The following DOCK1 variants were observed in gnomAD, a reference collection of about 807,000 sequenced individuals.
DOCK1 encodes dedicator of cytokinesis 1, also known as dedicator of cytokinesis protein 1.
Under a neutral mutation model 262.7 loss-of-function variants are expected in DOCK1, and 138 were observed. That is an observed-to-expected ratio of 0.53 (90% CI 0.46 to 0.61). The LOEUF (loss-of-function observed/expected upper bound fraction) is 0.61, where lower values mean the gene tolerates loss of function less well. Among genes scored for constraint, DOCK1 ranks in the 20% least tolerant of loss-of-function variants. The pLI is 0.00. For missense variants in DOCK1, 1,908 were observed against 2,370.7 expected, an observed-to-expected ratio of 0.80 and a Z score of 4.05; for synonymous variants, 866 against 867.4, an observed-to-expected ratio of 1.00 and a Z score of 0.03.
rs1316561955 is a variant in DOCK1 at position 126,987,563 on chromosome 10, G to A, written c.270G>A (p.Gln90=). The A allele has an allele frequency of 5.7e-6, 9 of 1,580,120 alleles. No individual in the cohort carries two copies. The highest frequency in any genetic ancestry group is 7.7e-6 in the Non-Finnish European group (9 of 1,162,844). Residue 90 remains glutamine (Q), a synonymous_variant, in exon 5 of 52, where the codon CAG becomes CAA. Transcript: ENST00000623213. ...TVIPGDLPLI[Q]EVTTTLREWS... is the part of the protein sequence containing the mutation. ...TCCCGGGTGACCTCCCCCTCATCCA[G>A]GAAGTCACCACGACACTCCGAGAGT...
At chr10:127,209,424 G>A (rs1425291868) in intron 27 of DOCK1, among the ~76,000 whole-genome samples, 1 of 152,182 alleles carries the variant, frequency 6.6e-6, no homozygotes, top group Admixed American at 6.5e-5. Context: ...TAGCCGCCTG[G>A]AGAGCAGAGC....
In DOCK1 at chr10:127,206,344, A is replaced by G. The variant is rs865979193; in HGVS notation, c.2848-41664A>G. On this transcript the variant is annotated intron_variant, in intron 27 of 51. Coordinates refer to ENST00000623213, the MANE Select transcript of DOCK1 (RefSeq NM_001290223.2). The stretch of plus-strand genomic sequence containing the variant: ...TTTTTAGTAGAGACAGGGTTTTGCC[A>G]TGTTGGCCAGGCTGGTCTCAAACTC... Among the ~76,000 whole-genome samples, 74 of 152,174 alleles carry G rather than the reference A, an allele frequency of 4.9e-4. No individual in the cohort carries two copies. In the Middle Eastern group the frequency reaches 0.014, roughly 28 times the overall value.
Position 127,347,889 on chromosome 10 carries a change from C to A in DOCK1, c.3224+4143C>A, listed in dbSNP as rs1375066696. On this transcript the variant is annotated intron_variant, in intron 31 of 51. Transcript: ENST00000623213. ...CTTCCCTTCCCTTCCCTTCCCATCC[C>A]TTCCCTTCCCCCTTGCTAAGCCCTT... is the stretch of plus-strand genomic sequence containing the variant. Among the ~76,000 whole-genome samples, 5 of 95,994 alleles carry A rather than the reference C, an allele frequency of 5.2e-5. 1 individual carries two copies. Among genetic ancestry groups the A allele is most frequent in the Admixed American group, 4.9e-4 (5 of 10,118 alleles). 63.0% of individuals were successfully genotyped at this position (95,994 alleles called of 152,430 possible). A position where few individuals can be genotyped will look rare whatever the true frequency, so the allele number is the denominator to read the frequency against.
At chr10:127,258,495 G>A (rs1333795597) in intron 29 of DOCK1, among the ~76,000 whole-genome samples, 1 of 152,162 alleles carries the variant, frequency 6.6e-6, no homozygotes, top group Non-Finnish European at 1.5e-5. Flanking sequence ...TTTATTGCTG[G>A]GTAGTGTCCC....
At chr10:127,144,217 C>T (rs1429473577) in intron 27 of DOCK1, among the ~76,000 whole-genome samples, 1 of 152,192 alleles carries the variant, frequency 6.6e-6, no homozygotes. Flanking sequence ...CAAACTCCTT[C>T]TCAAATCCCT....
intron 23 of DOCK1, among the ~76,000 whole-genome samples, chr10:127,063,651 T>C (rs2045679536): frequency 6.6e-6 from 1 of 152,214 alleles, no homozygotes; most frequent in Non-Finnish European, 1.5e-5. Flanking sequence ...TTCAGTGGCA[T>C]TTTAGAAAAA....
chr10:127,017,052 C>CACAGATACAGACACCACAA (rs1565069339), intron 12 of DOCK1, among the ~76,000 whole-genome samples: 1 of 141,792 alleles, frequency 7.1e-6, no homozygotes, highest in Non-Finnish European at 1.5e-5. Context: ...CACACACACA[C>CACAGATACAGACACCACAA]ACACACAGAT....
chr10:127,160,153 T>C (rs1296100968), intron 27 of DOCK1, among the ~76,000 whole-genome samples: 1 of 146,664 alleles, frequency 6.8e-6, no homozygotes, highest in Non-Finnish European at 1.5e-5. Context: ...AAAAAAAAAG[T>C]CTCTCACTGT....
At chr10:127,248,515 T>A (rs1291245835) in intron 28 of DOCK1, among the ~76,000 whole-genome samples, 1 of 152,228 alleles carries the variant, frequency 6.6e-6, no homozygotes, top group African/African-American at 2.4e-5. Context: ...TTGTACTCCA[T>A]TATTAATTAG....
At position 127,305,686 on chromosome 10, in the gene DOCK1, T is replaced by A. The variant is rs368174493; in HGVS notation, c.3045-33320T>A. ...GATCCTCAGGAACATCGTGTTGGGT[T>A]CATTGGACTCTGTATACAGTCAGAA... On this transcript the variant is annotated intron_variant, in intron 29 of 51. Transcript: ENST00000623213. Among the ~76,000 whole-genome samples the A allele has an allele frequency of 3.9e-5, 6 of 152,292 alleles. No individual in the cohort carries two copies. In the South Asian group the frequency reaches 1.2e-3, roughly 32 times the overall value.
At chr10:126,942,475 A>G in intron 1 of DOCK1, among the ~76,000 whole-genome samples, 1 of 152,294 alleles carries the variant, frequency 6.6e-6, no homozygotes, top group Middle Eastern at 3.4e-3. Flanking sequence ...ATTTGGGAGC[A>G]GGTTGGCAGG....
chr10:127,197,878 T>C (rs541096807), intron 27 of DOCK1, among the ~76,000 whole-genome samples: 1 of 152,334 alleles, frequency 6.6e-6, no homozygotes, highest in East Asian at 1.9e-4. Context: ...TTGGGCAGTG[T>C]GTCCAGACAT....
At chr10:127,020,029 G>A (rs1047805197) in intron 13 of DOCK1, among the ~76,000 whole-genome samples, 1 of 152,110 alleles carries the variant, frequency 6.6e-6, no homozygotes, top group Non-Finnish European at 1.5e-5. Context: ...GTCTTTCAGG[G>A]CTGTTGTGGG....
intron 35 of DOCK1, among the ~76,000 whole-genome samples, chr10:127,377,795 G>A (rs2134071937): frequency 6.6e-6 from 1 of 151,536 alleles, no homozygotes; most frequent in Admixed American, 6.6e-5. Flanking sequence ...GGGAGGCTGA[G>A]GCAACAGAAT....
At chr10:127,378,695 A>G (rs2065660981) in intron 35 of DOCK1, among the ~76,000 whole-genome samples, 1 of 152,222 alleles carries the variant, frequency 6.6e-6, no homozygotes. Context: ...TAAAAATATG[A>G]GTACAAAAGG....
intron 29 of DOCK1, among the ~76,000 whole-genome samples, chr10:127,265,029 T>C (rs1029930381): frequency 1.3e-5 from 2 of 152,252 alleles, no homozygotes; most frequent in African/African-American, 4.8e-5. Flanking sequence ...AAGGAATCAG[T>C]TGAGAATTCA....
At chr10:127,197,357 C>T (rs1396180426) in intron 27 of DOCK1, among the ~76,000 whole-genome samples, 1 of 152,140 alleles carries the variant, frequency 6.6e-6, no homozygotes, top group Non-Finnish European at 1.5e-5. Context: ...AGGATGCACA[C>T]GGAGCTATCC....
At chr10:127,406,747 G>C (rs2067538768) in intron 40 of DOCK1, among the ~76,000 whole-genome samples, 1 of 152,136 alleles carries the variant, frequency 6.6e-6, no homozygotes, top group African/African-American at 2.4e-5. Context: ...TGTTCAAAAG[G>C]ATCACTTCAG....
At chr10:127,010,641 C>G (rs954778384) in intron 11 of DOCK1, among the ~76,000 whole-genome samples, 8 of 152,096 alleles carry the variant, frequency 5.3e-5, no homozygotes, top group African/African-American at 1.9e-4. Context: ...TTTTGTAGTC[C>G]CATCCAGTGA....
Sources: gnomAD v4.1 joint callset for allele counts (sites outside exome capture counted in the v4.1 genomes callset) on GRCh38, gnomAD v4.1.1 for gene constraint, MANE v1.5 for transcripts, NCBI Gene and HGNC (gene_info 2026-07-23, HGNC 2026-07-21) for gene names.